PHLPP1: variants seen among roughly 807,000 people sequenced by gnomAD.
The protein encoded by PHLPP1 is PH domain leucine-rich repeat-containing protein phosphatase 1.
Under a neutral mutation model 117.2 loss-of-function variants are expected in PHLPP1, and 42 were observed. The ratio of observed to expected loss-of-function variants is 0.36; its 90% confidence interval spans 0.28 to 0.46. The LOEUF (loss-of-function observed/expected upper bound fraction) is 0.46. Among genes scored for constraint, PHLPP1 ranks in the 20% least tolerant of loss-of-function variants. The probability of loss-of-function intolerance (pLI) is 1.00; values close to 1 mark genes in which losing one functional copy is unlikely to be tolerated. For synonymous variants in PHLPP1, 1,042 were observed against 970.7 expected (o/e 1.07, Z -1.37); for missense variants, 2,084 against 2,241.9 (o/e 0.93, Z 1.42).
At chr18:62,976,717 C>T (rs1258656545) in intron 16 of PHLPP1, among the ~76,000 whole-genome samples, 1 of 152,206 alleles carries the variant, frequency 6.6e-6, no homozygotes, top group Non-Finnish European at 1.5e-5. Context: ...TCTTAAGGCC[C>T]TCATCAAAGC....
chr18:62,884,249 C>G (rs1916232293), intron 4 of PHLPP1, among the ~76,000 whole-genome samples: 1 of 152,260 alleles, frequency 6.6e-6, no homozygotes, highest in East Asian at 1.9e-4. Flanking sequence ...AGGGGGCTAT[C>G]TCCTATTTAT....
rs1322172223 is a variant in PHLPP1, at chr18:62,715,657, G to A, written c.-27G>A. The stretch of plus-strand genomic sequence containing the variant: ...CTCTCCGCCCGCTGCCTCCGGAGCT[G>A]GGGGGGAAACGCGAAGCCCCACTGC... On this transcript the variant is annotated 5_prime_UTR_variant, in exon 1 of 17. Transcript: ENST00000262719. 3.2e-6 allele frequency: 4 copies of A among 1,252,956 alleles called. No individual in the cohort carries two copies. The highest frequency in any genetic ancestry group is 3.1e-5 in the South Asian group (1 of 31,830). 77.6% of individuals were successfully genotyped at this position (1,252,956 alleles called of 1,614,324 possible).
At chr18:62,880,671 C>A (rs959755296) in intron 4 of PHLPP1, among the ~76,000 whole-genome samples, 2 of 151,836 alleles carry the variant, frequency 1.3e-5, no homozygotes, top group African/African-American at 4.8e-5. Context: ...AGTAAAGAAA[C>A]CATCTCAAAA....
chr18:62,767,742 T>C (rs377653545), intron 1 of PHLPP1, among the ~76,000 whole-genome samples: 1 of 152,190 alleles, frequency 6.6e-6, no homozygotes. Flanking sequence ...GCATGTGTGT[T>C]TGGAGGCATG....
chr18:62,807,472 T>C (rs924044024), intron 1 of PHLPP1, among the ~76,000 whole-genome samples: 1 of 152,244 alleles, frequency 6.6e-6, no homozygotes, highest in African/African-American at 2.4e-5. Context: ...ACATAGCTTA[T>C]AAACCTAAAA....
At chr18:62,876,061 T>C (rs1229621400) in intron 4 of PHLPP1, among the ~76,000 whole-genome samples, 1 of 152,188 alleles carries the variant, frequency 6.6e-6, no homozygotes, top group African/African-American at 2.4e-5. Context: ...GAAGTGAGAC[T>C]GGTAATTTAT....
In PHLPP1 at chr18:62,978,589, G is replaced by A. The variant is rs1271187432; in HGVS notation, c.4312G>A (p.Gly1438Arg). 1.2e-6 allele frequency: 2 copies of A among 1,613,646 alleles called. No homozygotes were observed. Among genetic ancestry groups the A allele is most frequent in the South Asian group, 2.2e-5 (2 of 91,044 alleles). Residue 1438 changes from glycine to arginine, a missense_variant, in exon 17 of 17, where the codon GGG (glycine) becomes AGG (arginine). Transcript: ENST00000262719. The surrounding 1 kb of genome is among the most constrained non-coding windows in gnomAD (Gnocchi z 7.0). The part of the protein sequence containing the change: ...SFCCCELSAG[G>R]AVPPPSPGIF... ...CTGCTGCTGCGAGCTCAGCGCCGGT[G>A]GGGCTGTGCCACCACCCAGTCCTGG...
intron 4 of PHLPP1, among the ~76,000 whole-genome samples, chr18:62,870,687 G>A (rs949035492): frequency 5.3e-5 from 8 of 152,144 alleles, no homozygotes; most frequent in African/African-American, 1.9e-4. Flanking sequence ...TTTATCTTAA[G>A]CACATATCCC....
At chr18:62,899,543 C>T (rs1457126420) in intron 6 of PHLPP1, among the ~76,000 whole-genome samples, 1 of 152,208 alleles carries the variant, frequency 6.6e-6, no homozygotes, top group Non-Finnish European at 1.5e-5. Flanking sequence ...ACATTTTATA[C>T]ATCATTCGTG....
At chr18:62,763,771 G>A (rs1568107943) in intron 1 of PHLPP1, among the ~76,000 whole-genome samples, 1 of 152,068 alleles carries the variant, frequency 6.6e-6, no homozygotes, top group Non-Finnish European at 1.5e-5. Flanking sequence ...CTGTCTTCGT[G>A]ACTTTTCCCA....
Position 62,717,315 on chromosome 18 carries a change from G to A in PHLPP1, c.1576+56G>A, listed in dbSNP as rs1446006565. 2.1e-5 allele frequency: 32 copies of A among 1,519,256 alleles called. No individual in the cohort carries two copies. The East Asian group carries it at 6.6e-4, about 31-fold the overall frequency. The allele number at this position is 1,519,256 out of a possible 1,614,324, so 94.1% of individuals were successfully genotyped here. A position where few individuals can be genotyped will look rare whatever the true frequency, so the allele number is the denominator to read the frequency against. On this transcript the variant is annotated intron_variant, in intron 1 of 16. Coordinates refer to ENST00000262719, the MANE Select transcript of PHLPP1 (RefSeq NM_194449.4). ...TGCAAAAGCTGCCGAGGACCGAGGA[G>A]TGATTCAAATTGCTTGTCAGTTTGC...
chr18:62,868,475 A>G (rs1430947685), intron 4 of PHLPP1, among the ~76,000 whole-genome samples: 1 of 152,056 alleles, frequency 6.6e-6, no homozygotes, highest in Non-Finnish European at 1.5e-5. Context: ...ACAAAAAAAT[A>G]GCTAGGCGTC....
chr18:62,816,700 G>GT (rs11396306), intron 1 of PHLPP1, among the ~76,000 whole-genome samples: 9,445 of 152,120 alleles, frequency 0.062, 980 homozygotes, highest in African/African-American at 0.21. Flanking sequence ...GTTTGTTTTA[G>GT]TTTTTACTAT....
chr18:62,752,930 T>C (rs1397788948), intron 1 of PHLPP1, among the ~76,000 whole-genome samples: 2 of 152,146 alleles, frequency 1.3e-5, no homozygotes, highest in Non-Finnish European at 2.9e-5. Context: ...GGATGAAAAC[T>C]AAATAAAAGT....
chr18:62,951,096 C>T (rs1001892962), intron 12 of PHLPP1, among the ~76,000 whole-genome samples: 1 of 152,092 alleles, frequency 6.6e-6, no homozygotes, highest in African/African-American at 2.4e-5. Context: ...ATTCTCCCAC[C>T]TCAGCCTCCC....
chr18:62,763,546 T>C (rs1412171951), intron 1 of PHLPP1, among the ~76,000 whole-genome samples: 1 of 152,156 alleles, frequency 6.6e-6, no homozygotes, highest in Non-Finnish European at 1.5e-5. Flanking sequence ...CGCACCCTTG[T>C]TTTGGGATGG....
At chr18:62,736,764 A>T (rs569529596) in intron 1 of PHLPP1, among the ~76,000 whole-genome samples, 1 of 152,332 alleles carries the variant, frequency 6.6e-6, no homozygotes, top group Admixed American at 6.5e-5. Context: ...GGCCTGGCTC[A>T]CCACCCAGCT....
rs948928050 is a variant in PHLPP1 at position 62,980,210 on chromosome 18, C to G, written c.*779C>G. 1 of 152,680 alleles carries G rather than the reference C, an allele frequency of 6.5e-6. No homozygotes were observed. Among genetic ancestry groups the G allele is most frequent in the Non-Finnish European group, 1.5e-5 (1 of 68,074 alleles). The allele number at this position is 152,680 out of a possible 1,614,324, so 9.5% of individuals were successfully genotyped here. On this transcript the variant is annotated 3_prime_UTR_variant, in exon 17 of 17. Transcript: ENST00000262719. ...TCCGGAGGAAATGGATCTTAGGCCA[C>G]TGGACAAGAACCTGCACCCAAGGGC...
At chr18:62,941,612 C>T (rs914210311) in intron 10 of PHLPP1, 106 bp from the exon 11 acceptor site, 2 of 753,962 alleles carry the variant, frequency 2.7e-6, no homozygotes, top group Non-Finnish European at 2.2e-6. Context: ...CTTTTCAATT[C>T]ATGTTTCTGA....
Sources: allele counts gnomAD v4.1 joint callset (sites outside exome capture counted in the v4.1 genomes callset), GRCh38; gene constraint gnomAD v4.1.1; non-coding constraint Gnocchi (gnomAD v3.1); transcripts MANE v1.5; gene names NCBI Gene and HGNC (gene_info 2026-07-23, HGNC 2026-07-21).